ZSWIM6: variants seen among roughly 807,000 people sequenced by gnomAD.
ZSWIM6 encodes zinc finger SWIM domain-containing protein 6.
ZSWIM6 carries 9 observed loss-of-function variants against 113.2 expected under a neutral mutation model. The observed-to-expected ratio is 0.08, with a 90% CI of 0.05 to 0.14. The LOEUF (loss-of-function observed/expected upper bound fraction) is 0.14, where lower values mean the gene tolerates loss of function less well. Ranked by LOEUF, ZSWIM6 falls within the 10% of genes least tolerant of loss-of-function variation. ZSWIM6 has a pLI of 1.00. For missense variants in ZSWIM6, 1,162 were observed against 1,552.2 expected (o/e 0.75, Z 4.22); for synonymous variants, 611 against 606.5 (o/e 1.01, Z -0.11).
chr5:61,496,973 C>T (rs561949924), intron 4 of ZSWIM6, among the ~76,000 whole-genome samples: 2 of 152,256 alleles, frequency 1.3e-5, no homozygotes, highest in African/African-American at 2.4e-5. Flanking sequence ...ATTGGAGCAG[C>T]TACTGTTATC....
intron 10 of ZSWIM6, among the ~76,000 whole-genome samples, chr5:61,537,408 G>A (rs1310903561): frequency 6.6e-6 from 1 of 152,190 alleles, no homozygotes; most frequent in African/African-American, 2.4e-5. Flanking sequence ...AAAGAGAGAT[G>A]TAGCTCGCAT....
intron 1 of ZSWIM6, among the ~76,000 whole-genome samples, chr5:61,447,469 T>TA (rs1286381340): frequency 6.6e-6 from 1 of 152,108 alleles, no homozygotes; most frequent in Non-Finnish European, 1.5e-5. Flanking sequence ...CAGAATTTCT[T>TA]AGAGGAGCAA....
intron 1 of ZSWIM6, among the ~76,000 whole-genome samples, chr5:61,440,133 G>A (rs115762470): frequency 1.8e-3 from 275 of 152,036 alleles, no homozygotes; most frequent in African/African-American, 4.7e-3. Flanking sequence ...AAAAAAAAGC[G>A]CGAGAGTATA....
chr5:61,423,144 C>T lies in ZSWIM6; in HGVS notation c.677-49537C>T, dbSNP rs1043886169. ...GGTGAGGGCCAGGCGCAGTGGCTCA[C>T]GCCTGTAATCCCAGCACTTTGGGAG... On this transcript the variant is annotated intron_variant, in intron 1 of 13. Transcript: ENST00000252744. 2.0e-5 allele frequency among the ~76,000 whole-genome samples: 3 copies of T among 152,188 alleles called. No individual in the cohort carries two copies. The South Asian group carries it at 6.2e-4, about 32-fold the overall frequency.
chr5:61,492,325 G>C (rs1455964503), intron 3 of ZSWIM6, among the ~76,000 whole-genome samples: 1 of 152,024 alleles, frequency 6.6e-6, no homozygotes, highest in Non-Finnish European at 1.5e-5. Flanking sequence ...AGCCTGGTGT[G>C]CAGTTGTTCT....
At chr5:61,439,073 A>G (rs1214255369) in intron 1 of ZSWIM6, among the ~76,000 whole-genome samples, 7 of 152,206 alleles carry the variant, frequency 4.6e-5, no homozygotes, top group African/African-American at 1.7e-4. Context: ...TATTAAACCT[A>G]TCCTTTGTCC....
intron 1 of ZSWIM6, among the ~76,000 whole-genome samples, chr5:61,348,202 C>T (rs942177101): frequency 1.3e-5 from 2 of 151,998 alleles, no homozygotes; most frequent in African/African-American, 4.8e-5. Flanking sequence ...GCCTGGGCAA[C>T]AGAGTGAGAC....
intron 7 of ZSWIM6, among the ~76,000 whole-genome samples, chr5:61,526,764 C>A (rs777784539): frequency 1.3e-5 from 2 of 152,106 alleles, no homozygotes; most frequent in Non-Finnish European, 2.9e-5. Context: ...TGCTTGAATC[C>A]CGGCAATCCT....
intron 1 of ZSWIM6, chr5:61,391,859 T>C: frequency 1.4e-6 from 1 of 691,202 alleles, no homozygotes; most frequent in African/African-American, 1.8e-5. Flanking sequence ...GCGGAGAACC[T>C]TCTGTGAGAC....
At chr5:61,356,331 G>A (rs1164497707) in intron 1 of ZSWIM6, among the ~76,000 whole-genome samples, 1 of 152,140 alleles carries the variant, frequency 6.6e-6, no homozygotes, top group East Asian at 1.9e-4. Flanking sequence ...TTTTAAGGCA[G>A]AAGAACCATC....
intron 1 of ZSWIM6, among the ~76,000 whole-genome samples, chr5:61,374,432 C>G (rs1461124508): frequency 6.6e-6 from 1 of 152,190 alleles, no homozygotes; most frequent in Non-Finnish European, 1.5e-5. Context: ...CCATTATTGC[C>G]TGTGAGGAAG....
intron 1 of ZSWIM6, among the ~76,000 whole-genome samples, chr5:61,457,853 A>G (rs550518973): frequency 2.0e-5 from 3 of 152,122 alleles, no homozygotes; most frequent in African/African-American, 7.2e-5. Flanking sequence ...ATCTGATGAT[A>G]CTGAAGTACT....
intron 1 of ZSWIM6, among the ~76,000 whole-genome samples, chr5:61,385,762 CCT>C (rs1745581011): frequency 6.6e-6 from 1 of 152,154 alleles, no homozygotes; most frequent in African/African-American, 2.4e-5. Flanking sequence ...TCCCTCAGCC[CCT>C]GTGCCCCAGG....
intron 1 of ZSWIM6, among the ~76,000 whole-genome samples, chr5:61,419,174 C>G (rs1746309584): frequency 6.6e-6 from 1 of 152,222 alleles, no homozygotes; most frequent in African/African-American, 2.4e-5. Context: ...TGAATTTTCT[C>G]TCAGGAAAGC....
chr5:61,390,674 T>C (rs1307606766), intron 1 of ZSWIM6: 14 of 839,600 alleles, frequency 1.7e-5, no homozygotes, highest in Admixed American at 5.2e-5. Context: ...GGCATTAAGC[T>C]CCTTCTTCCT....
intron 3 of ZSWIM6, among the ~76,000 whole-genome samples, chr5:61,491,656 G>C (rs1290628584): frequency 6.6e-6 from 1 of 151,910 alleles, no homozygotes; most frequent in Non-Finnish European, 1.5e-5. Context: ...TGTAAATACT[G>C]GATAAAATGC....
chr5:61,410,411 G>C (rs977444564), intron 1 of ZSWIM6, among the ~76,000 whole-genome samples: 2 of 151,260 alleles, frequency 1.3e-5, no homozygotes, highest in Non-Finnish European at 2.9e-5. Context: ...CCTGGTTCAG[G>C]CGATTCTCCT....
chr5:61,480,084 A>G (rs1747814753), intron 2 of ZSWIM6, among the ~76,000 whole-genome samples: 1 of 152,208 alleles, frequency 6.6e-6, no homozygotes, highest in Non-Finnish European at 1.5e-5. Context: ...AATCATTAAT[A>G]CATTTATTAG....
intron 2 of ZSWIM6, among the ~76,000 whole-genome samples, chr5:61,486,188 A>G (rs1469463856): frequency 6.6e-6 from 1 of 152,174 alleles, no homozygotes; most frequent in African/African-American, 2.4e-5. Context: ...GCTGCCACTT[A>G]TCAGTGAGAA....
Sources: allele counts gnomAD v4.1 joint callset (sites outside exome capture counted in the v4.1 genomes callset), GRCh38; gene constraint gnomAD v4.1.1; transcripts MANE v1.5; gene names NCBI Gene and HGNC (gene_info 2026-07-23, HGNC 2026-07-21).